Variants in EPB41 observed in about 807,000 individuals in gnomAD.
EPB41 encodes protein 4.1.
In EPB41, 65 loss-of-function variants were observed where a neutral mutation model predicts 108.0. The ratio of observed to expected loss-of-function variants is 0.60; its 90% CI spans 0.49 to 0.74. The LOEUF (loss-of-function observed/expected upper bound fraction) is 0.74, where lower values mean the gene tolerates loss of function less well. Ranked by LOEUF, EPB41 falls within the 30% of genes least tolerant of loss-of-function variation. The pLI is 0.00. For missense variants in EPB41, 875 were observed against 1,037.0 expected (o/e 0.84, Z 2.15); for synonymous variants, 336 against 358.9 (o/e 0.94, Z 0.72).
intron 11 of EPB41, 68 bp from the exon 12 acceptor site, chr1:29,053,036 T>C: frequency 1.9e-6 from 3 of 1,540,888 alleles, no homozygotes; most frequent in South Asian, 2.3e-5. Flanking sequence ...TTATTTTGCC[T>C]GGTGACTTTG....
At chr1:29,024,669 T>TA (rs890616625) in intron 7 of EPB41, among the ~76,000 whole-genome samples, 3 of 150,952 alleles carry the variant, frequency 2.0e-5, no homozygotes, top group East Asian at 1.9e-4. Context: ...TAAATATAAA[T>TA]AAAAAAAAAT....
rs1641035020 is a variant in EPB41 at position 29,040,397 on chromosome 1, T to C, written c.1636+971T>C. ...CAAGGTTCAAGTGATTCTCCTGCCT[T>C]AGTCTCCCGAGTAGCTGTGATTACA... On this transcript the variant is annotated intron_variant, in intron 11 of 20. Coordinates refer to ENST00000343067, the MANE Select transcript of EPB41 (RefSeq NM_001376013.1). Among the ~76,000 whole-genome samples the C allele has an allele frequency of 3.3e-5, 5 of 152,128 alleles. No individual in the cohort carries two copies. The South Asian group carries it at 1.0e-3, about 32-fold the overall frequency.
intron 1 of EPB41, among the ~76,000 whole-genome samples, chr1:28,896,149 G>T (rs2090636636): frequency 6.6e-6 from 1 of 152,172 alleles, no homozygotes; most frequent in South Asian, 2.1e-4. Flanking sequence ...GAAAATAAAA[G>T]AACCTACCTA....
At chr1:29,057,059 G>T (rs1470040549) in intron 12 of EPB41, among the ~76,000 whole-genome samples, 1 of 152,046 alleles carries the variant, frequency 6.6e-6, no homozygotes, top group Non-Finnish European at 1.5e-5. Flanking sequence ...CACACAGCAA[G>T]TATGCTGGGA....
intron 3 of EPB41, among the ~76,000 whole-genome samples, chr1:28,994,898 G>C (rs550501251): frequency 7.6e-6 from 1 of 131,694 alleles, no homozygotes; most frequent in South Asian, 2.7e-4. Context: ...CGGCTCAAGC[G>C]ATCTGCCTGC....
intron 11 of EPB41, among the ~76,000 whole-genome samples, chr1:29,052,310 T>C (rs1191189223): frequency 6.6e-6 from 1 of 152,200 alleles, no homozygotes; most frequent in African/African-American, 2.4e-5. Context: ...CAACCAAAAA[T>C]GTCTCCGGAC....
intron 16 of EPB41, among the ~76,000 whole-genome samples, chr1:29,092,297 A>T (rs192501639): frequency 3.9e-5 from 6 of 152,008 alleles, no homozygotes; most frequent in African/African-American, 1.2e-4. Flanking sequence ...GGGTTTCTCC[A>T]TGTTGGACAG....
At position 29,115,750 on chromosome 1, in the gene EPB41, G is replaced by C. The variant is rs747205367; in HGVS notation, c.2548G>C (p.Val850Leu). 5 of 1,614,154 alleles carry C rather than the reference G, an allele frequency of 3.1e-6. No individual in the cohort carries two copies. The highest frequency in any genetic ancestry group is 4.2e-6 in the Non-Finnish European group (5 of 1,180,020). ...AAAGGAGCAGCACCCAGACATGTCAGTGACCAAGGTGGTCGTCCACCAGGA... is the reference window on the plus strand; with the variant it reads ...AAAGGAGCAGCACCCAGACATGTCACTGACCAAGGTGGTCGTCCACCAGGA... The part of the protein sequence containing the change: ...EAKEQHPDMS[V>L]TKVVVHQETE... Residue 850 changes from valine (V) to leucine (L), a missense_variant, in exon 20 of 21, where the codon GTG becomes CTG. Around this residue, in one of 3 missense-constraint regions of EPB41, gnomAD observed 519 missense variants for 627.3 expected, o/e 0.83. Transcript: ENST00000343067. The surrounding 1 kb of genome is among the most constrained non-coding windows in gnomAD (Gnocchi z 4.4).
At chr1:28,923,868 C>T (rs1570663308) in intron 1 of EPB41, among the ~76,000 whole-genome samples, 1 of 152,082 alleles carries the variant, frequency 6.6e-6, no homozygotes, top group African/African-American at 2.4e-5. Flanking sequence ...GGTAGGCAGC[C>T]TTTATTATGG....
At chr1:29,083,674 A>G (rs186002721) in intron 16 of EPB41, among the ~76,000 whole-genome samples, 2 of 152,354 alleles carry the variant, frequency 1.3e-5, no homozygotes, top group Admixed American at 1.3e-4. Flanking sequence ...TAATGTGCCT[A>G]CTGATTATTA....
intron 16 of EPB41, among the ~76,000 whole-genome samples, chr1:29,074,425 G>A (rs952254595): frequency 6.6e-6 from 1 of 152,072 alleles, no homozygotes; most frequent in Non-Finnish European, 1.5e-5. Flanking sequence ...GTTTTGTGTG[G>A]CATGTAGCAT....
chr1:28,948,864 G>C (rs896449917), intron 1 of EPB41, among the ~76,000 whole-genome samples: 1 of 152,070 alleles, frequency 6.6e-6, no homozygotes, highest in Non-Finnish European at 1.5e-5. Context: ...CAGAAGAATC[G>C]CTTGAACCCA....
In EPB41 at chr1:28,994,887, C is replaced by T. The variant is rs909183589; in HGVS notation, c.681+1345C>T. On this transcript the variant is annotated intron_variant, in intron 3 of 20. Transcript: ENST00000343067. ...GTTGCCCAGGTTACTCTTGAGCTCCCCGGCTCAAGCGATCTGCCTGCCTCA... is the reference window on the plus strand; with the variant it reads ...GTTGCCCAGGTTACTCTTGAGCTCCTCGGCTCAAGCGATCTGCCTGCCTCA... Among the ~76,000 whole-genome samples, 16 of 150,256 alleles carry T rather than the reference C, an allele frequency of 1.1e-4. No individual in the cohort carries two copies. The South Asian group carries it at 2.1e-3, about 20-fold the overall frequency.
chr1:28,906,798 C>T (rs1350176140), intron 1 of EPB41, among the ~76,000 whole-genome samples: 2 of 144,490 alleles, frequency 1.4e-5, no homozygotes, highest in South Asian at 2.2e-4. Flanking sequence ...TTTTTTGAGA[C>T]GGAGTCTCGC....
At chr1:28,977,303 G>A (rs1186518865) in intron 1 of EPB41, among the ~76,000 whole-genome samples, 3 of 151,580 alleles carry the variant, frequency 2.0e-5, no homozygotes, top group African/African-American at 7.3e-5. Context: ...AACTCAAGAA[G>A]CATTAATGGA....
intron 11 of EPB41, among the ~76,000 whole-genome samples, chr1:29,046,891 C>T (rs2150586305): frequency 6.6e-6 from 1 of 152,198 alleles, no homozygotes; most frequent in East Asian, 1.9e-4. Flanking sequence ...TCGTAATACT[C>T]TTTTCTTTTT....
rs1639248833 is a variant in EPB41 at position 29,035,869 on chromosome 1, A to C, written c.1409A>C (p.Tyr470Ser). ...ESTIGFKLPS[Y>S]RAAKKLWKVC... Reference sequence around the variant, plus strand: ...ACCATCGGATTCAAACTTCCCAGTTACCGAGCAGCTAAGAAATTATGGAAA... The same window carrying C: ...ACCATCGGATTCAAACTTCCCAGTTCCCGAGCAGCTAAGAAATTATGGAAA... The change falls in exon 10 of 21, where the codon TAC (tyrosine) becomes TCC (serine). Residue 470 changes from tyrosine to serine, a missense_variant. Tyr to Ser is a moderately radical substitution (Grantham distance 144). Coordinates refer to ENST00000343067, the MANE Select transcript of EPB41 (RefSeq NM_001376013.1). The C allele has an allele frequency of 6.2e-7, 1 of 1,614,172 alleles. No homozygotes were observed. The highest frequency in any genetic ancestry group is 1.3e-5 in the African/African-American group (1 of 75,064).
chr1:28,911,587 G>A (rs544070245), upstream of EPB41, among the ~76,000 whole-genome samples: 8 of 152,316 alleles, frequency 5.3e-5, no homozygotes, highest in African/African-American at 1.9e-4. Context: ...TGGTGGAGAT[G>A]GTAAACCACT....
chr1:29,088,150 G>A (rs922206793), intron 16 of EPB41, among the ~76,000 whole-genome samples: 11 of 150,874 alleles, frequency 7.3e-5, no homozygotes, highest in Non-Finnish European at 1.5e-4. Context: ...GGGTTCAAGC[G>A]ATTCTCCTTC....
Sources: gnomAD v4.1 joint callset for allele counts (sites outside exome capture counted in the v4.1 genomes callset) on GRCh38, gnomAD v4.1.1 for gene constraint, gnomAD v4.1.1 regional missense constraint, Gnocchi (gnomAD v3.1) non-coding constraint, MANE v1.5 for transcripts, NCBI Gene and HGNC (gene_info 2026-07-23, HGNC 2026-07-21) for gene names.